LGALS8: variants seen among roughly 807,000 people sequenced by gnomAD.
LGALS8 encodes galectin-8.
Under a neutral mutation model 35.9 loss-of-function variants are expected in LGALS8, and 30 were observed. That is an observed-to-expected ratio of 0.83 (90% CI 0.62 to 1.13). LGALS8 has a LOEUF of 1.13. Among genes scored for constraint, LGALS8 ranks in the 50% most tolerant of loss-of-function variants. LGALS8 has a pLI of 0.00. For synonymous variants in LGALS8, 138 were observed against 136.1 expected, an observed-to-expected ratio of 1.01 and a Z score of -0.10; for missense variants, 366 against 388.7, an observed-to-expected ratio of 0.94 and a Z score of 0.49.
rs1308092037 is a variant in LGALS8, at chr1:236,549,886, T to C, written c.*1725T>C. 1 of 152,240 alleles carries C rather than the reference T, an allele frequency of 6.6e-6. No homozygotes were observed. Among genetic ancestry groups the C allele is most frequent in the Non-Finnish European group, 1.5e-5 (1 of 68,038 alleles). 9.4% of individuals were successfully genotyped at this position (152,240 alleles called of 1,614,324 possible). ...TTTACTGAGACATTTCTTAGAAATA[T>C]GCACTTCTATACTAGCAAGCTCTGT... On this transcript the variant is annotated 3_prime_UTR_variant, in exon 10 of 10. Transcript: ENST00000366584.
At chr1:236,540,419 G>A in intron 4 of LGALS8, 145 bp from the exon 5 acceptor site, 4 of 879,078 alleles carry the variant, frequency 4.6e-6, no homozygotes, top group African/African-American at 1.7e-5. Flanking sequence ...GGTGCTTTCG[G>A]TTACCATTTG....
intron 9 of LGALS8, 25 bp from the exon 10 acceptor site, chr1:236,547,987 A>G: frequency 1.9e-6 from 3 of 1,595,506 alleles, no homozygotes; most frequent in Non-Finnish European, 2.6e-6. Flanking sequence ...GGGAACCACT[A>G]ATGGCATGTA....
chr1:236,543,714 G>T, intron 8 of LGALS8, 66 bp downstream of exon 8: 3 of 1,103,774 alleles, frequency 2.7e-6, no homozygotes, highest in Non-Finnish European at 4.2e-6. Flanking sequence ...TTCCACCCGT[G>T]AACGGTCCTG....
At chr1:236,529,451 G>A (rs551704736) in intron 2 of LGALS8, among the ~76,000 whole-genome samples, 2 of 151,402 alleles carry the variant, frequency 1.3e-5, no homozygotes, top group South Asian at 2.1e-4. Context: ...GCATGGTGGC[G>A]GTGGCCTGTA....
chr1:236,547,932 C>T (rs1662495437), intron 9 of LGALS8, 80 bp from the exon 10 acceptor site: 4 of 1,253,332 alleles, frequency 3.2e-6, no homozygotes, highest in Non-Finnish European at 4.6e-6. Context: ...AAATGGTTTA[C>T]TCTGACACCG....
rs1662804197 is a variant in LGALS8 at position 236,552,619 on chromosome 1, T to C, written c.*4458T>C. On this transcript the variant is annotated 3_prime_UTR_variant, in exon 10 of 10. Transcript: ENST00000366584. The stretch of plus-strand genomic sequence containing the variant: ...GAATAAAAAACATTCTGTGTCACAA[T>C]ATCCTAGTTTTGGGGCTTTAAAAAC... 2 of 152,236 alleles carry C rather than the reference T, an allele frequency of 1.3e-5. No homozygotes were observed. Among genetic ancestry groups the C allele is most frequent in the Non-Finnish European group, 1.5e-5 (1 of 68,056 alleles). 9.4% of individuals were successfully genotyped at this position (152,236 alleles called of 1,614,324 possible).
At chr1:236,537,015 C>T (rs1389149090) in intron 2 of LGALS8, among the ~76,000 whole-genome samples, 6 of 58,456 alleles carry the variant, frequency 1.0e-4, no homozygotes, top group Admixed American at 1.8e-4. Context: ...ATGAGGTATG[C>T]AGTTCCTTTT....
At chr1:236,546,855 C>T in intron 9 of LGALS8, among the ~76,000 whole-genome samples, 1 of 152,188 alleles carries the variant, frequency 6.6e-6, no homozygotes, top group East Asian at 1.9e-4. Context: ...CTGGGATTCC[C>T]ACCATTCTTG....
At chr1:236,534,604 T>TA (rs543091311) in intron 2 of LGALS8, among the ~76,000 whole-genome samples, 18,138 of 142,572 alleles carry the variant, frequency 0.13, 1,477 homozygotes, top group Middle Eastern at 0.22. Context: ...GTCTCATAGT[T>TA]AAAAAAAAAA....
chr1:236,545,430 A>G (rs775695095), intron 9 of LGALS8, among the ~76,000 whole-genome samples: 33 of 152,228 alleles, frequency 2.2e-4, no homozygotes, highest in South Asian at 4.1e-4. Flanking sequence ...ATTGTAACAC[A>G]TACCTTTCCC....
At position 236,544,823 on chromosome 1, in the gene LGALS8, GC is replaced by G; in HGVS notation, c.713del (p.Ala238AspfsTer3). On this transcript the variant is annotated frameshift_variant, in exon 9 of 10. Coordinates refer to ENST00000366584, the MANE Select transcript of LGALS8 (RefSeq NM_201544.4). LOFTEE classifies it high-confidence loss of function. ...LHLNPRLNIK[A>X]FVRNSFLQES... is the part of the protein sequence containing the mutation. ...CTTGAACCCACGCCTGAATATTAAA[GC>G]ATTTGTAAGAAATTCTTTTCTTCAG... is the stretch of plus-strand genomic sequence containing the variant. 1 of 1,613,718 alleles carries G rather than the reference GC, an allele frequency of 6.2e-7. No homozygotes were observed. The highest frequency in any genetic ancestry group is 8.5e-7 in the Non-Finnish European group (1 of 1,179,746).
Position 236,540,571 on chromosome 1 carries a change from T to C in LGALS8, c.353T>C (p.Val118Ala), listed in dbSNP as rs749651707. ...TCTTCTGTATCTCTCTAGGTGGCTG[T>C]AAATGGAAAACATACTCTGCTCTAT... ...MVLKDKFQVAVNGKHTLLYGH... is the reference protein window; with the variant it reads ...MVLKDKFQVAANGKHTLLYGH... The change falls in exon 5 of 10, where the codon GTA becomes GCA. Residue 118 changes from valine (V) to alanine (A), a missense_variant. Transcript: ENST00000366584. 1 of 1,602,712 alleles carries C rather than the reference T, an allele frequency of 6.2e-7. No individual in the cohort carries two copies. The highest frequency in any genetic ancestry group is 1.1e-5 in the South Asian group (1 of 88,760).
intron 9 of LGALS8, among the ~76,000 whole-genome samples, chr1:236,546,562 G>T (rs1276984717): frequency 6.6e-6 from 1 of 152,246 alleles, no homozygotes; most frequent in Non-Finnish European, 1.5e-5. Context: ...CTGTTCGGCA[G>T]CATCAGATGG....
upstream of LGALS8, among the ~76,000 whole-genome samples, chr1:236,522,825 G>A (rs11805846): frequency 0.034 from 5,240 of 152,208 alleles, 166 homozygotes; most frequent in Admixed American, 0.089. Flanking sequence ...AGTGCATCAG[G>A]CTTGGAAAAT....
At chr1:236,525,873 T>C (rs1660788531) in intron 1 of LGALS8, 95 bp from the exon 2 acceptor site, 1 of 435,046 alleles carries the variant, frequency 2.3e-6, no homozygotes, top group East Asian at 3.4e-5. Context: ...TTGGTAAATA[T>C]CAGTAACATA....
At position 236,543,414 on chromosome 1, in the gene LGALS8, A is replaced by C. The variant is rs923544846; in HGVS notation, c.550-146A>C. The C allele has an allele frequency of 9.6e-6, 7 of 730,320 alleles. No individual in the cohort carries two copies. In the African/African-American group the frequency reaches 1.2e-4, roughly 13 times the overall value. 45.2% of individuals were successfully genotyped at this position (730,320 alleles called of 1,614,324 possible). A position where few individuals can be genotyped will look rare whatever the true frequency, so the allele number is the denominator to read the frequency against. On this transcript the variant is annotated intron_variant, in intron 7 of 9. Transcript: ENST00000366584. ...GGGACAGTGCTGCTGCAGGGGACCC[A>C]GCTGGGACCAAGGCAGACTGTCTCT...
intron 7 of LGALS8, 115 bp downstream of exon 7, chr1:236,542,902 T>C: frequency 6.2e-7 from 1 of 1,614,184 alleles, no homozygotes; most frequent in Non-Finnish European, 8.5e-7. Context: ...ACTGTAGAAC[T>C]GTTTCCCTAC....
chr1:236,541,661 A>G lies in LGALS8; in HGVS notation c.473A>G (p.Gln158Arg), dbSNP rs780757870. The G allele has an allele frequency of 1.3e-6, 2 of 1,507,550 alleles. No individual in the cohort carries two copies. Among genetic ancestry groups the G allele is most frequent in the South Asian group, 2.5e-5 (2 of 79,468 alleles). 93.4% of individuals were successfully genotyped at this position (1,507,550 alleles called of 1,614,324 possible). ...TTTATTATCTTTTCTCAGGACTTACAAAGTACCCAAGCATCTAGTCTGGAA... is the reference window on the plus strand; with the variant it reads ...TTTATTATCTTTTCTCAGGACTTACGAAGTACCCAAGCATCTAGTCTGGAA... ...SIGFSFSSDL[Q>R]STQASSLELT... is the part of the protein sequence containing the mutation. Residue 158 changes from glutamine to arginine, a missense_variant, in exon 6 of 10, where the codon CAA becomes CGA. Gln to Arg is a conservative substitution (Grantham distance 43, BLOSUM62 1). Transcript: ENST00000366584.
At position 236,551,016 on chromosome 1, in the gene LGALS8, A is replaced by C. The variant is rs1662712126; in HGVS notation, c.*2855A>C. 1.3e-6 allele frequency: 2 copies of C among 1,527,274 alleles called. No homozygotes were observed. Among genetic ancestry groups the C allele is most frequent in the African/African-American group, 2.8e-5 (2 of 71,556 alleles). The allele number at this position is 1,527,274 out of a possible 1,614,324, so 94.6% of individuals were successfully genotyped here. On this transcript the variant is annotated 3_prime_UTR_variant, in exon 10 of 10. Coordinates refer to ENST00000366584, the MANE Select transcript of LGALS8 (RefSeq NM_201544.4). ...CTAAAAAAAAAAAAAAAAAATCAAAATTAAAATCTGAGTCAGTCCGCCTGC... is the reference window on the plus strand; with the variant it reads ...CTAAAAAAAAAAAAAAAAAATCAAACTTAAAATCTGAGTCAGTCCGCCTGC...
Sources: gnomAD v4.1 joint callset for allele counts (sites outside exome capture counted in the v4.1 genomes callset) on GRCh38, gnomAD v4.1.1 for gene constraint, MANE v1.5 for transcripts, NCBI Gene and HGNC (gene_info 2026-07-23, HGNC 2026-07-21) for gene names.